Variants in PCDH15 observed in about 807,000 individuals in gnomAD.
PCDH15 encodes protocadherin-15.
A neutral mutation model predicts 178.5 loss-of-function variants in PCDH15; 129 were observed. The ratio of observed to expected loss-of-function variants is 0.72; its 90% confidence interval spans 0.63 to 0.84. The LOEUF is 0.84. Among genes scored for constraint, PCDH15 ranks in the 40% least tolerant of loss-of-function variants. The pLI is 0.00. For missense variants in PCDH15, 2,230 were observed against 2,099.9 expected (o/e 1.06, Z -1.21); for synonymous variants, 800 against 732.0 (o/e 1.09, Z -1.50).
At chr10:54,996,287 G>A (rs1004454107) in intron 2 of PCDH15, among the ~76,000 whole-genome samples, 5 of 152,168 alleles carry the variant, frequency 3.3e-5, no homozygotes, top group Non-Finnish European at 1.5e-5. Flanking sequence ...TGACATCTGA[G>A]TTTGGATGGC....
At chr10:53,938,739 G>A in intron 25 of PCDH15, 76 bp downstream of exon 25, 1 of 1,441,018 alleles carries the variant, frequency 6.9e-7, no homozygotes, top group Non-Finnish European at 9.7e-7. Flanking sequence ...TGATATTTTA[G>A]ACATAGGTAT....
chr10:53,914,521 T>C (rs1485762071), intron 25 of PCDH15, among the ~76,000 whole-genome samples: 4 of 151,976 alleles, frequency 2.6e-5, no homozygotes, highest in African/African-American at 9.7e-5. Context: ...GGGACAGAAA[T>C]CCAAACACCA....
At chr10:55,243,658 TA>T (rs1841612515) in intron 1 of PCDH15, among the ~76,000 whole-genome samples, 1 of 152,168 alleles carries the variant, frequency 6.6e-6, no homozygotes, top group African/African-American at 2.4e-5. Flanking sequence ...AAGGACAAAA[TA>T]AATGTTAAAA....
chr10:54,654,257 T>C (rs184292638), intron 2 of PCDH15, among the ~76,000 whole-genome samples: 2 of 152,300 alleles, frequency 1.3e-5, no homozygotes. Flanking sequence ...TGTTATTTAA[T>C]TGTTCAGAAT....
At chr10:54,697,655 A>AGGAAGGAAGGAAGGAAGGAAGGGGAAGGG (rs1252611975) in intron 1 of PCDH15, among the ~76,000 whole-genome samples, 2 of 83,466 alleles carry the variant, frequency 2.4e-5, no homozygotes, top group African/African-American at 4.9e-5. Flanking sequence ...GAAGGAAGGA[A>AGGAAGGAAGGAAGGAAGGAAGGGGAAGGG]GGAAGGGGAA....
At chr10:54,463,506 C>T (rs1004094730) in intron 3 of PCDH15, among the ~76,000 whole-genome samples, 6 of 152,026 alleles carry the variant, frequency 3.9e-5, no homozygotes, top group African/African-American at 1.4e-4. Flanking sequence ...TGCACTAAGC[C>T]CCTAAATGTA....
At chr10:54,213,141 T>C (rs755972385) in intron 10 of PCDH15, among the ~76,000 whole-genome samples, 2 of 152,130 alleles carry the variant, frequency 1.3e-5, no homozygotes, top group Non-Finnish European at 2.9e-5. Flanking sequence ...AGTTATGTAC[T>C]ATATACAAAA....
rs557092361 is a variant in PCDH15, at chr10:54,648,669, G to C, written c.91+15503C>G. Among the ~76,000 whole-genome samples, 40 of 152,140 alleles carry C rather than the reference G, an allele frequency of 2.6e-4. 1 individual carries two copies. The East Asian group carries it at 7.5e-3, about 29-fold the overall frequency. On this transcript the variant is annotated intron_variant, in intron 2 of 37. Coordinates refer to ENST00000644397, the MANE Select transcript of PCDH15 (RefSeq NM_001384140.1). ...GAGAAGAGTATTTCTAAGGTGTTTG[G>C]CACTTACAAATACCACAAACGCTAG... is the stretch of plus-strand genomic sequence containing the variant.
rs538791432 is a variant in PCDH15, at chr10:55,045,274, C to T, written c.-80+121302G>A. ...TATAGAACGTAGATGACTCAATATA[C>T]GTTTTACCATTGATTTTGTTCTTTA... is the stretch of plus-strand genomic sequence containing the variant. On this transcript the variant is annotated intron_variant, in intron 2 of 5. Transcript: ENST00000458638. 5.6e-4 allele frequency among the ~76,000 whole-genome samples: 85 copies of T among 152,162 alleles called. 1 individual carries two copies. Among genetic ancestry groups the T allele is most frequent in the Non-Finnish European group, 1.9e-4 (13 of 67,968 alleles).
chr10:54,289,147 T>C (rs1036240511), intron 8 of PCDH15, among the ~76,000 whole-genome samples: 3 of 152,114 alleles, frequency 2.0e-5, no homozygotes, highest in Admixed American at 2.0e-4. Context: ...CAGGTGCCCC[T>C]CTGGGATGAA....
chr10:55,350,698 T>C (rs962038404), intron 2 of PCDH15, among the ~76,000 whole-genome samples: 1 of 152,158 alleles, frequency 6.6e-6, no homozygotes, highest in Non-Finnish European at 1.5e-5. Flanking sequence ...TTTTCACTGA[T>C]AATTTTTTTC....
At chr10:54,392,119 T>C (rs1366088010) in intron 3 of PCDH15, among the ~76,000 whole-genome samples, 1 of 152,108 alleles carries the variant, frequency 6.6e-6, no homozygotes, top group African/African-American at 2.4e-5. Context: ...AATCTCTCTC[T>C]TTCCACTATA....
At chr10:54,416,843 T>C (rs1436705675) in intron 3 of PCDH15, among the ~76,000 whole-genome samples, 3 of 152,228 alleles carry the variant, frequency 2.0e-5, no homozygotes, top group African/African-American at 7.2e-5. Flanking sequence ...GGTATCTCAC[T>C]GTGGTCTTGA....
chr10:55,182,715 G>C (rs1839685139), intron 1 of PCDH15, among the ~76,000 whole-genome samples: 1 of 151,932 alleles, frequency 6.6e-6, no homozygotes, highest in African/African-American at 2.4e-5. Flanking sequence ...TTAATGCATA[G>C]CAGCACAAAG....
chr10:54,590,502 A>G (rs2091815145), intron 2 of PCDH15, among the ~76,000 whole-genome samples: 1 of 152,208 alleles, frequency 6.6e-6, no homozygotes, highest in Non-Finnish European at 1.5e-5. Context: ...TTCGGGACCA[A>G]CATTCCAAAA....
At chr10:54,574,568 A>G (rs1041617246) in intron 2 of PCDH15, among the ~76,000 whole-genome samples, 64 of 145,468 alleles carry the variant, frequency 4.4e-4, no homozygotes, top group Non-Finnish European at 9.3e-4. Flanking sequence ...ATCACTGGCC[A>G]TCAGAGAAAT....
At chr10:55,148,432 C>T (rs909138956) in intron 2 of PCDH15, among the ~76,000 whole-genome samples, 2 of 151,760 alleles carry the variant, frequency 1.3e-5, no homozygotes, top group Non-Finnish European at 2.9e-5. Flanking sequence ...GGACTAGGAC[C>T]TATGGGATTC....
At chr10:55,020,738 C>G (rs1290157389) in intron 2 of PCDH15, among the ~76,000 whole-genome samples, 1 of 152,054 alleles carries the variant, frequency 6.6e-6, no homozygotes, top group Non-Finnish European at 1.5e-5. Context: ...TCATGTTTTA[C>G]AGATGAGAAA....
intron 2 of PCDH15, among the ~76,000 whole-genome samples, chr10:54,975,932 GT>G (rs946174735): frequency 1.3e-5 from 2 of 151,852 alleles, no homozygotes; most frequent in East Asian, 1.9e-4. Context: ...TAGAACGCAA[GT>G]TTTTTTTGAA....
Sources: allele counts gnomAD v4.1 joint callset (sites outside exome capture counted in the v4.1 genomes callset), GRCh38; gene constraint gnomAD v4.1.1; transcripts MANE v1.5; gene names NCBI Gene and HGNC (gene_info 2026-07-23, HGNC 2026-07-21).